Variants in TLE2 observed in about 807,000 individuals in gnomAD.
The protein encoded by TLE2 is transducin-like enhancer protein 2.
A neutral mutation model predicts 97.2 loss-of-function variants in TLE2; 74 were observed. The observed-to-expected ratio is 0.76, with a 90% confidence interval of 0.63 to 0.92. The LOEUF (loss-of-function observed/expected upper bound fraction) is 0.92. Ranked by LOEUF, TLE2 falls within the 40% of genes least tolerant of loss-of-function variation. TLE2 has a pLI of 0.00. For missense variants in TLE2, 1,038 were observed against 1,008.7 expected, an observed-to-expected ratio of 1.03 and a Z score of -0.39; for synonymous variants, 499 against 432.1, an observed-to-expected ratio of 1.15 and a Z score of -1.92.
intron 1 of TLE2, among the ~76,000 whole-genome samples, chr19:3,035,272 A>T (rs1568254216): frequency 6.6e-6 from 1 of 152,078 alleles, no homozygotes; most frequent in Non-Finnish European, 1.5e-5. Context: ...AACTCCCCAA[A>T]ATACCACATC....
chr19:3,000,270 T>G (rs1044532872), intron 19 of TLE2, among the ~76,000 whole-genome samples: 23 of 151,220 alleles, frequency 1.5e-4, no homozygotes, highest in African/African-American at 5.1e-4. Context: ...AGAGACGGGT[T>G]TTCACCATAT....
chr19:3,002,026 G>A (rs1252033267), intron 18 of TLE2, among the ~76,000 whole-genome samples: 1 of 151,978 alleles, frequency 6.6e-6, no homozygotes, highest in Non-Finnish European at 1.5e-5. Context: ...TCGAACTCCT[G>A]ACCTCAGGTG....
intron 5 of TLE2, chr19:3,020,039 T>A: frequency 6.1e-6 from 3 of 492,862 alleles, no homozygotes; most frequent in Non-Finnish European, 1.1e-5. Context: ...TCCCAGCGCT[T>A]TGGAAGGCTG....
At chr19:3,024,922 G>T in intron 5 of TLE2, 98 bp downstream of exon 5, 2 of 1,049,080 alleles carry the variant, frequency 1.9e-6, no homozygotes, top group South Asian at 1.5e-5. Flanking sequence ...CAGGCTACGC[G>T]GCAGAATCAG....
At chr19:3,012,464 G>A (rs914097818) in intron 11 of TLE2, among the ~76,000 whole-genome samples, 2 of 152,186 alleles carry the variant, frequency 1.3e-5, no homozygotes, top group African/African-American at 4.8e-5. Flanking sequence ...TGATCGTCCT[G>A]CCTTGGCCTC....
At chr19:3,032,053 C>T (rs1327974604), upstream of TLE2, among the ~76,000 whole-genome samples, 1 of 151,758 alleles carries the variant, frequency 6.6e-6, no homozygotes, top group African/African-American at 2.4e-5. The surrounding 1 kb of genome is among the most constrained non-coding windows in gnomAD (Gnocchi z 4.1). Context: ...GCCTCGGCCT[C>T]TGGAGTAGCT....
chr19:3,015,977 C>T, intron 8 of TLE2: 1 of 638,504 alleles, frequency 1.6e-6, no homozygotes, highest in Non-Finnish European at 2.9e-6. Context: ...TGCTCTGCTG[C>T]CCAGGCTGGA....
intron 2 of TLE2, 70 bp from the exon 3 acceptor site, chr19:3,028,452 G>A (rs2089983139): frequency 3.4e-6 from 5 of 1,463,176 alleles, no homozygotes; most frequent in South Asian, 2.6e-5. Flanking sequence ...GTGAGAGGCT[G>A]GATCTCCCCC....
rs1485151228 is a variant in TLE2 at position 3,008,887 on chromosome 19, C to T, written c.1232G>A (p.Ser411Asn). 3.1e-6 allele frequency: 5 copies of T among 1,589,594 alleles called. No individual in the cohort carries two copies. The highest frequency in any genetic ancestry group is 1.7e-6 in the Non-Finnish European group (2 of 1,167,964). The change falls in exon 14 of 20, where the codon AGC becomes AAC. Residue 411 changes from serine (S) to asparagine (N), a missense_variant. By Grantham distance (46) the Ser-to-Asn change is conservative (BLOSUM62 1). Coordinates refer to ENST00000262953, the MANE Select transcript of TLE2 (RefSeq NM_003260.5). ...TACTCACGGCTTTCCCCCAGGGATG[C>T]TGGGTAGGGAGGAAGAGACGGATGA... Reference protein sequence around the residue: ...RGSSVSSSLPSIPGGKPAYSF... With the variant: ...RGSSVSSSLPNIPGGKPAYSF...
chr19:2,997,819 A>G lies in TLE2; in HGVS notation c.*29T>C. The G allele has an allele frequency of 6.5e-7, 1 of 1,529,272 alleles. No homozygotes were observed. The highest frequency in any genetic ancestry group is 1.7e-4 in the Middle Eastern group (1 of 5,912). 94.7% of individuals were successfully genotyped at this position (1,529,272 alleles called of 1,614,324 possible). ...GCTGCTGATTCCCCTGGGAGTCTGGACTTCGGGTACAGGAAGGGGGGTCAT... is the reference window on the plus strand; with the variant it reads ...GCTGCTGATTCCCCTGGGAGTCTGGGCTTCGGGTACAGGAAGGGGGGTCAT... On this transcript the variant is annotated 3_prime_UTR_variant, in exon 20 of 20. Transcript: ENST00000262953.
chr19:3,038,250 C>T (rs1006859365), intron 1 of TLE2, among the ~76,000 whole-genome samples: 1 of 152,270 alleles, frequency 6.6e-6, no homozygotes, highest in South Asian at 2.1e-4. Context: ...CTCTGTCACC[C>T]AGTCTGGAGT....
At chr19:3,024,670 C>T (rs1217591135) in intron 5 of TLE2, among the ~76,000 whole-genome samples, 1 of 152,184 alleles carries the variant, frequency 6.6e-6, no homozygotes, top group Non-Finnish European at 1.5e-5. Context: ...ACCTACGCTA[C>T]TGAAAAAACA....
chr19:3,028,897 G>A lies in TLE2; in HGVS notation c.8C>T (p.Pro3Leu). 1 of 1,610,776 alleles carries A rather than the reference G, an allele frequency of 6.2e-7. No individual in the cohort carries two copies. The highest frequency in any genetic ancestry group is 8.5e-7 in the Non-Finnish European group (1 of 1,179,634). The change falls in exon 1 of 20, where the codon CCC becomes CTC. Residue 3 changes from proline (P) to leucine (L), a missense_variant. Transcript: ENST00000262953. ...CGCACTCACCGGGTGCCTTCCCTGGGGGTACATCCTGCCGATCCGAAAAGC... is the reference window on the plus strand; with the variant it reads ...CGCACTCACCGGGTGCCTTCCCTGGAGGTACATCCTGCCGATCCGAAAAGC... MY[P>L]QGRHPTPLQS...
At chr19:3,007,872 G>A (rs2089509294) in intron 14 of TLE2, among the ~76,000 whole-genome samples, 1 of 152,082 alleles carries the variant, frequency 6.6e-6, no homozygotes, top group Admixed American at 6.6e-5. Context: ...ATCATTTGAG[G>A]TCAGGAGTTC....
Position 3,011,427 on chromosome 19 carries a change from G to A in TLE2, c.874-267C>T, listed in dbSNP as rs1259630993. Among the ~76,000 whole-genome samples, 4 of 151,774 alleles carry A rather than the reference G, an allele frequency of 2.6e-5. No individual in the cohort carries two copies. The East Asian group carries it at 7.7e-4, about 29-fold the overall frequency. ...TGTGCCTGTGATCCCAGCTACTTGG[G>A]AGGCTGAGGCAGGAGAATGGCATGA... On this transcript the variant is annotated intron_variant, in intron 11 of 19. Transcript: ENST00000262953.
At chr19:3,028,411 C>G (rs763923815) in intron 2 of TLE2, 29 bp from the exon 3 acceptor site, 4 of 1,570,942 alleles carry the variant, frequency 2.5e-6, no homozygotes, top group African/African-American at 1.4e-5. Context: ...GCAAGGGGCT[C>G]CCACCCGCCC....
At chr19:3,011,338 G>C (rs1195001545) in intron 11 of TLE2, among the ~76,000 whole-genome samples, 178 bp from the exon 12 acceptor site, 1 of 152,000 alleles carries the variant, frequency 6.6e-6, no homozygotes, top group Non-Finnish European at 1.5e-5. Flanking sequence ...GACCAGCCTG[G>C]CCAACATGGT....
chr19:3,025,074 A>G lies in TLE2; in HGVS notation c.240T>C (p.Ile80=), dbSNP rs773226145. 6.2e-7 allele frequency: 1 copy of G among 1,604,208 alleles called. No homozygotes were observed. Among genetic ancestry groups the G allele is most frequent in the Non-Finnish European group, 8.5e-7 (1 of 1,175,670 alleles). ...CGCAGATACCGCTCAGACGCTTCAC[A>G]ATCTCCGCCTGGCAGGAAGCAATGA... ...LNIEMHKQAE[I]VKRLSGICAQ... Residue 80 remains isoleucine (I), a synonymous_variant, in exon 5 of 20, where the codon ATT becomes ATC. Transcript: ENST00000262953.
chr19:3,001,814 T>A (rs1218962419), intron 18 of TLE2, among the ~76,000 whole-genome samples: 7 of 106,236 alleles, frequency 6.6e-5, no homozygotes, highest in Non-Finnish European at 7.9e-5. Flanking sequence ...TTTTTTTTTT[T>A]AAGATAGAAT....
Sources: gnomAD v4.1 joint callset for allele counts (sites outside exome capture counted in the v4.1 genomes callset) on GRCh38, gnomAD v4.1.1 for gene constraint, Gnocchi (gnomAD v3.1) non-coding constraint, MANE v1.5 for transcripts, NCBI Gene and HGNC (gene_info 2026-07-23, HGNC 2026-07-21) for gene names.